Variants in TGM4 observed in about 807,000 individuals in gnomAD.
The protein encoded by TGM4 is protein-glutamine gamma-glutamyltransferase 4.
In TGM4, 61 loss-of-function variants were observed where a neutral mutation model predicts 76.3. The ratio of observed to expected loss-of-function variants is 0.80; its 90% CI spans 0.65 to 0.99. The LOEUF (loss-of-function observed/expected upper bound fraction) is 0.99. Ranked by LOEUF, TGM4 falls within the 50% of genes least tolerant of loss-of-function variation. The pLI, the probability that TGM4 is intolerant of heterozygous loss-of-function variation, is 0.00. For missense variants in TGM4, 794 were observed against 843.2 expected (o/e 0.94, Z 0.72); for synonymous variants, 337 against 329.8 (o/e 1.02, Z -0.24).
chr3:44,890,523 G>A lies in TGM4; in HGVS notation c.301-80G>A, dbSNP rs548201298. The A allele has an allele frequency of 1.6e-4, 245 of 1,563,260 alleles. 3 individuals carry two copies. Among genetic ancestry groups the A allele is most frequent in the South Asian group, 1.4e-3 (113 of 82,448 alleles). ...GATGGGATGAGTTGTTAGGACTGAC[G>A]GATTCTTCTGGGAAGCATTTGTAAG... On this transcript the variant is annotated intron_variant, in intron 3 of 13. Coordinates refer to ENST00000296125, the MANE Select transcript of TGM4 (RefSeq NM_003241.4).
chr3:44,910,000 G>A, intron 10 of TGM4, 90 bp from the exon 11 acceptor site: 2 of 1,480,990 alleles, frequency 1.4e-6, no homozygotes, highest in Non-Finnish European at 1.8e-6. Flanking sequence ...GTCCTGGCCA[G>A]GCAGATGGTC....
Position 44,903,640 on chromosome 3 carries a change from G to T in TGM4, c.972-244G>T, listed in dbSNP as rs1473455196. The T allele has an allele frequency of 5.8e-5, 30 of 520,128 alleles. No individual in the cohort carries two copies. In the Admixed American group the frequency reaches 9.1e-4, roughly 16 times the overall value. The allele number at this position is 520,128 out of a possible 1,614,324, so 32.2% of individuals were successfully genotyped here. On this transcript the variant is annotated intron_variant, in intron 8 of 13. Coordinates refer to ENST00000296125, the MANE Select transcript of TGM4 (RefSeq NM_003241.4). Reference sequence around the variant, plus strand: ...TTTGAAATCCATAGGCAGGGTGACGGTCTCATGAGGTTCCCCCAGCCCTGC... The same window carrying T: ...TTTGAAATCCATAGGCAGGGTGACGTTCTCATGAGGTTCCCCCAGCCCTGC...
chr3:44,901,501 C>A (rs1042219185), intron 6 of TGM4, 23 bp from the exon 7 acceptor site: 12 of 1,586,808 alleles, frequency 7.6e-6, no homozygotes, highest in African/African-American at 5.4e-5. Flanking sequence ...CGGACACTGA[C>A]CCCACCCCTA....
chr3:44,911,857 T>C (rs1700010316), intron 13 of TGM4, among the ~76,000 whole-genome samples: 1 of 152,264 alleles, frequency 6.6e-6, no homozygotes, highest in Non-Finnish European at 1.5e-5. Context: ...AGGTGGAGTC[T>C]CACTTTGTTG....
At chr3:44,886,983 G>T (rs896711284) in intron 2 of TGM4, among the ~76,000 whole-genome samples, 1 of 152,232 alleles carries the variant, frequency 6.6e-6, no homozygotes, top group African/African-American at 2.4e-5. Context: ...TGAGACCCAC[G>T]TCCCACCATG....
Position 44,877,493 on chromosome 3 carries a change from C to T in TGM4, c.19+2796C>T, listed in dbSNP as rs559572937. On this transcript the variant is annotated intron_variant, in intron 1 of 13. Transcript: ENST00000296125. ...ATTAGCCAGACATGGTGGTGCATAT[C>T]GGTAGTTCCAGCTACTCAGCTACTC... Among the ~76,000 whole-genome samples the T allele has an allele frequency of 4.5e-4, 68 of 151,784 alleles. No homozygotes were observed. The Middle Eastern group carries it at 0.01, about 23-fold the overall frequency.
At chr3:44,911,774 A>G (rs962974070) in intron 13 of TGM4, among the ~76,000 whole-genome samples, 2 of 151,994 alleles carry the variant, frequency 1.3e-5, no homozygotes, top group Non-Finnish European at 2.9e-5. Flanking sequence ...TACACAGTAG[A>G]GTGTTATGTG....
At chr3:44,875,302 T>C (rs555128316) in intron 1 of TGM4, among the ~76,000 whole-genome samples, 1 of 152,364 alleles carries the variant, frequency 6.6e-6, no homozygotes, top group East Asian at 1.9e-4. Context: ...GAATAGTTCT[T>C]CTGTCATTCT....
At chr3:44,874,797 C>A in intron 1 of TGM4, 100 bp downstream of exon 1, 1 of 1,431,398 alleles carries the variant, frequency 7.0e-7, no homozygotes, top group Non-Finnish European at 9.7e-7. Flanking sequence ...CCATTGCCCT[C>A]TCACCCTGAC....
chr3:44,906,861 T>G, intron 9 of TGM4, 88 bp from the exon 10 acceptor site: 42 of 1,561,988 alleles, frequency 2.7e-5, no homozygotes, highest in Non-Finnish European at 3.3e-5. Context: ...CAGTCCTGTT[T>G]GAGTTTGGGA....
intron 10 of TGM4, among the ~76,000 whole-genome samples, chr3:44,907,510 G>T (rs1699941353): frequency 6.6e-6 from 1 of 151,948 alleles, no homozygotes; most frequent in Non-Finnish European, 1.5e-5. Flanking sequence ...AATCCTAATT[G>T]AGGCCTTTGC....
chr3:44,885,306 T>C lies in TGM4; in HGVS notation c.20-19T>C, dbSNP rs372280514. ...ACATTCTCTGTGCTCTCTTTCCACA[T>C]GTGCTGCGTTGCTGACAGAGCTGCA... is the stretch of plus-strand genomic sequence containing the variant. On this transcript the variant is annotated intron_variant, in intron 1 of 13. Coordinates refer to ENST00000296125, the MANE Select transcript of TGM4 (RefSeq NM_003241.4). The C allele has an allele frequency of 1.0e-4, 165 of 1,591,168 alleles. No homozygotes were observed. The highest frequency in any genetic ancestry group is 1.3e-4 in the Non-Finnish European group (151 of 1,162,932).
rs1435799788 is a variant in TGM4, at chr3:44,885,412, T to C, written c.107T>C (p.Phe36Ser). Residue 36 changes from phenylalanine to serine, a missense_variant, in exon 2 of 14, where the codon TTC becomes TCC. Physicochemically the swap from Phe to Ser is radical, Grantham distance 155. Coordinates refer to ENST00000296125, the MANE Select transcript of TGM4 (RefSeq NM_003241.4). ...GAGTTCCAAACGAGCAGTCCTGTGT[T>C]CCGGCGAGGACAGGTGTTTCACCTG... is the stretch of plus-strand genomic sequence containing the variant. ...TWEFQTSSPV[F>S]RRGQVFHLRL... 1.2e-6 allele frequency: 2 copies of C among 1,613,938 alleles called. No homozygotes were observed. Among genetic ancestry groups the C allele is most frequent in the East Asian group, 4.5e-5 (2 of 44,884 alleles).
In TGM4 at chr3:44,901,799, G is replaced by C. The variant is rs1469470315; in HGVS notation, c.839G>C (p.Arg280Thr). Residue 280 changes from arginine (R) to threonine (T), a missense_variant, in exon 8 of 14, where the codon AGA becomes ACA. By Grantham distance (71) the Arg-to-Thr change is moderately conservative (BLOSUM62 -1). Coordinates refer to ENST00000296125, the MANE Select transcript of TGM4 (RefSeq NM_003241.4). ...CCACCCTGGATCATTTCAGTGCTGA[G>C]AGCGTTGGGCATCCCAGCACGCAGT... Reference protein sequence around the residue: ...VFAGILTTVLRALGIPARSVT... With the variant: ...VFAGILTTVLTALGIPARSVT... 1 of 1,614,100 alleles carries C rather than the reference G, an allele frequency of 6.2e-7. No homozygotes were observed. The highest frequency in any genetic ancestry group is 8.5e-7 in the Non-Finnish European group (1 of 1,179,994).
At position 44,881,894 on chromosome 3, in the gene TGM4, C is replaced by A. The variant is rs933600234; in HGVS notation, c.20-3431C>A. ...ATACTCAAATAATTTAAACTCCAACCCACACATTGGTGGCAAGAAACAAGG... is the reference window on the plus strand; with the variant it reads ...ATACTCAAATAATTTAAACTCCAACACACACATTGGTGGCAAGAAACAAGG... On this transcript the variant is annotated intron_variant, in intron 1 of 13. Transcript: ENST00000296125. Among the ~76,000 whole-genome samples the A allele has an allele frequency of 6.6e-5, 10 of 152,116 alleles. No homozygotes were observed. In the East Asian group the frequency reaches 1.4e-3, roughly 21 times the overall value.
intron 13 of TGM4, among the ~76,000 whole-genome samples, chr3:44,912,048 C>T (rs543126321): frequency 6.1e-4 from 93 of 152,332 alleles, no homozygotes; most frequent in African/African-American, 2.2e-3. Flanking sequence ...CCAGCCTGGT[C>T]TTGAACTCCT....
In TGM4 at chr3:44,901,575, T is replaced by TATGAAGGTGGGG; in HGVS notation, c.710_711insTGAAGGTGGGGA (p.Gly240_Thr241insAspGluGlyGly). 1 of 1,614,026 alleles carries TATGAAGGTGGGG rather than the reference T, an allele frequency of 6.2e-7. No homozygotes were observed. Among genetic ancestry groups the TATGAAGGTGGGG allele is most frequent in the East Asian group, 2.2e-5 (1 of 44,882 alleles). On this transcript the variant is annotated inframe_insertion, in exon 7 of 14. Coordinates refer to ENST00000296125, the MANE Select transcript of TGM4 (RefSeq NM_003241.4). ...GCTCATTGGGAATTGGACTGGGGAC[T>TATGAAGGTGGGG]ACGAAGGTGGCACAGCCCCATACAA...
At chr3:44,886,712 C>A (rs1456480404) in intron 2 of TGM4, among the ~76,000 whole-genome samples, 2 of 152,222 alleles carry the variant, frequency 1.3e-5, no homozygotes, top group African/African-American at 4.8e-5. Flanking sequence ...ACTCACTCAA[C>A]AAATATTTGT....
intron 5 of TGM4, among the ~76,000 whole-genome samples, 181 bp downstream of exon 5, chr3:44,893,876 A>G (rs564307313): frequency 1.7e-4 from 25 of 150,824 alleles, no homozygotes; most frequent in Non-Finnish European, 3.4e-4. Flanking sequence ...GATGGGGTGG[A>G]GTCCTGGGCA....
Sources: gnomAD v4.1 joint callset for allele counts (sites outside exome capture counted in the v4.1 genomes callset) on GRCh38, gnomAD v4.1.1 for gene constraint, MANE v1.5 for transcripts, NCBI Gene and HGNC (gene_info 2026-07-23, HGNC 2026-07-21) for gene names.